The following MBNL1 variants were observed in gnomAD, a reference collection of about 807,000 sequenced individuals.
MBNL1 encodes the protein muscleblind like splicing regulator 1, also known as muscleblind-like protein 1.
A neutral mutation model predicts 42.2 loss-of-function variants in MBNL1; 8 were observed. The observed-to-expected ratio is 0.19, with a 90% CI of 0.11 to 0.34. MBNL1 has a LOEUF of 0.34. Among genes scored for constraint, MBNL1 ranks in the 10% least tolerant of loss-of-function variants. The pLI is 1.00. For synonymous variants in MBNL1, 169 were observed against 173.9 expected (o/e 0.97, Z 0.22); for missense variants, 309 against 495.3 (o/e 0.62, Z 3.57).
chr3:152,440,840 A>G (rs1488967911), intron 4 of MBNL1, among the ~76,000 whole-genome samples: 1 of 152,200 alleles, frequency 6.6e-6, no homozygotes, highest in Non-Finnish European at 1.5e-5. Flanking sequence ...GTGATTGATC[A>G]AAGTGATTAT....
In MBNL1 at chr3:152,376,575, C is replaced by T. The variant is rs147628938; in HGVS notation, c.175-38366C>T. 2.6e-5 allele frequency among the ~76,000 whole-genome samples: 4 copies of T among 152,166 alleles called. No individual in the cohort carries two copies. In the East Asian group the frequency reaches 7.7e-4, roughly 29 times the overall value. On this transcript the variant is annotated intron_variant, in intron 2 of 9. Coordinates refer to ENST00000324210, the MANE Select transcript of MBNL1 (RefSeq NM_021038.5). Reference sequence around the variant, plus strand: ...TGGTTGTTGGAAATTTTCCATTTGTCAGATTGTTATGTAGATGATCATATA... The same window carrying T: ...TGGTTGTTGGAAATTTTCCATTTGTTAGATTGTTATGTAGATGATCATATA...
At chr3:152,417,380 G>A (rs1033478962) in intron 3 of MBNL1, among the ~76,000 whole-genome samples, 6 of 152,206 alleles carry the variant, frequency 3.9e-5, no homozygotes, top group Non-Finnish European at 7.3e-5. Context: ...ACTACTTACA[G>A]ATGAGTGTTT....
chr3:152,277,572 A>G (rs2045981876), intron 1 of MBNL1, among the ~76,000 whole-genome samples: 1 of 145,222 alleles, frequency 6.9e-6, no homozygotes, highest in South Asian at 2.4e-4. Context: ...ATTTACATAC[A>G]GGAATCAATA....
intron 2 of MBNL1, among the ~76,000 whole-genome samples, chr3:152,309,452 G>C (rs1487238301): frequency 1.3e-5 from 2 of 152,234 alleles, no homozygotes; most frequent in Non-Finnish European, 2.9e-5. Flanking sequence ...AGTATCTTAA[G>C]TTAGAATTTA....
chr3:152,345,787 G>A (rs1010189000), intron 2 of MBNL1, among the ~76,000 whole-genome samples: 3 of 152,056 alleles, frequency 2.0e-5, no homozygotes, highest in Non-Finnish European at 4.4e-5. Context: ...TAGTTCTGCC[G>A]TTTACTGGTT....
At chr3:152,268,734 C>T (rs1374692821), upstream of MBNL1, 2 of 454,676 alleles carry the variant, frequency 4.4e-6, no homozygotes, top group Admixed American at 4.7e-5. Context: ...GGTTGACAGG[C>T]GACCCTGTGG....
intron 1 of MBNL1, among the ~76,000 whole-genome samples, chr3:152,271,489 G>A (rs1352625789): frequency 3.9e-5 from 6 of 152,108 alleles, no homozygotes; most frequent in Admixed American, 3.9e-4. Flanking sequence ...GATCTATATG[G>A]AAACAGAGAA....
chr3:152,327,126 G>T (rs996619058), intron 2 of MBNL1, among the ~76,000 whole-genome samples: 1 of 151,772 alleles, frequency 6.6e-6, no homozygotes, highest in African/African-American at 2.4e-5. Context: ...TATTTGAATT[G>T]CTTCTCCTAA....
At chr3:152,411,390 G>T (rs955098860) in intron 2 of MBNL1, among the ~76,000 whole-genome samples, 4 of 151,964 alleles carry the variant, frequency 2.6e-5, no homozygotes, top group African/African-American at 9.7e-5. Context: ...TGTGTTGGCG[G>T]GCACCTGTAG....
At position 152,396,086 on chromosome 3, in the gene MBNL1, T is replaced by C. The variant is rs555955188; in HGVS notation, c.175-18855T>C. On this transcript the variant is annotated intron_variant, in intron 2 of 9. Transcript: ENST00000324210. ...GGAGTGTGAACCCTATTGTGAACTGTGCATGCAGGGGATCTAGGTTGGAGA... is the reference window on the plus strand; with the variant it reads ...GGAGTGTGAACCCTATTGTGAACTGCGCATGCAGGGGATCTAGGTTGGAGA... The C allele has an allele frequency of 4.1e-4, 96 of 236,096 alleles. No individual in the cohort carries two copies. In the South Asian group the frequency reaches 4.6e-3, roughly 11 times the overall value. 14.6% of individuals were successfully genotyped at this position (236,096 alleles called of 1,614,324 possible). A position where few individuals can be genotyped will look rare whatever the true frequency, so the allele number is the denominator to read the frequency against.
At chr3:152,345,499 CT>C (rs1261972895) in intron 2 of MBNL1, among the ~76,000 whole-genome samples, 1 of 152,032 alleles carries the variant, frequency 6.6e-6, no homozygotes, top group African/African-American at 2.4e-5. Flanking sequence ...GGAAATAGGA[CT>C]TTGATATATG....
intron 4 of MBNL1, among the ~76,000 whole-genome samples, chr3:152,437,976 G>T (rs779497323): frequency 4.6e-5 from 7 of 152,008 alleles, no homozygotes; most frequent in Admixed American, 1.3e-4. Flanking sequence ...GTTTCACCAT[G>T]TTTGCCAGGC....
chr3:152,375,124 GC>G (rs2096841946), intron 2 of MBNL1, among the ~76,000 whole-genome samples: 3 of 152,124 alleles, frequency 2.0e-5, no homozygotes, highest in African/African-American at 7.2e-5. Flanking sequence ...ACAGGCGTGT[GC>G]CACCACACTT....
rs184572998 is a variant in MBNL1 at position 152,317,656 on chromosome 3, C to T, written c.174+17289C>T. ...TTATTTTTTTAATCTTGAAATAACTCCACAGTTATCTCCAAGTAAGTCTAA... is the reference window on the plus strand; with the variant it reads ...TTATTTTTTTAATCTTGAAATAACTTCACAGTTATCTCCAAGTAAGTCTAA... On this transcript the variant is annotated intron_variant, in intron 2 of 9. Transcript: ENST00000324210. Among the ~76,000 whole-genome samples the T allele has an allele frequency of 1.3e-3, 202 of 150,732 alleles. 7 individuals are homozygous for T. The East Asian group carries it at 0.037, about 28-fold the overall frequency.
intron 2 of MBNL1, among the ~76,000 whole-genome samples, chr3:152,322,678 T>C (rs2077133298): frequency 6.6e-6 from 1 of 152,086 alleles, no homozygotes; most frequent in Non-Finnish European, 1.5e-5. Context: ...ATCACTAATT[T>C]TGTGAGGTTT....
chr3:152,309,672 A>G (rs768956522), intron 2 of MBNL1, among the ~76,000 whole-genome samples: 2 of 152,182 alleles, frequency 1.3e-5, no homozygotes, highest in Non-Finnish European at 2.9e-5. Context: ...TACAGACATA[A>G]TCAGTGTTTA....
intron 2 of MBNL1, among the ~76,000 whole-genome samples, chr3:152,393,947 A>T (rs1193958554): frequency 6.6e-6 from 1 of 152,194 alleles, no homozygotes; most frequent in African/African-American, 2.4e-5. Context: ...ACTATACTGA[A>T]AAAATAGTGC....
At chr3:152,410,124 T>G (rs1412503353) in intron 2 of MBNL1, among the ~76,000 whole-genome samples, 1 of 152,054 alleles carries the variant, frequency 6.6e-6, no homozygotes, top group East Asian at 1.9e-4. Flanking sequence ...AGTTTATATA[T>G]ATACTATATT....
intron 2 of MBNL1, among the ~76,000 whole-genome samples, chr3:152,411,084 A>G (rs2098552923): frequency 6.6e-6 from 1 of 152,244 alleles, no homozygotes; most frequent in African/African-American, 2.4e-5. Context: ...TTACTATTAT[A>G]TAGAAAAGAT....
Sources: allele counts gnomAD v4.1 joint callset (sites outside exome capture counted in the v4.1 genomes callset), GRCh38; gene constraint gnomAD v4.1.1; transcripts MANE v1.5; gene names NCBI Gene and HGNC (gene_info 2026-07-23, HGNC 2026-07-21).